The following MACC1 variants were observed in gnomAD, a reference collection of about 807,000 sequenced individuals.
MACC1 encodes MET transcriptional regulator MACC1, also known as metastasis-associated in colon cancer protein 1.
In MACC1, 79 loss-of-function variants were observed where a neutral mutation model predicts 70.7. The ratio of observed to expected loss-of-function variants is 1.12; its 90% CI spans 0.93 to 1.35. The LOEUF (loss-of-function observed/expected upper bound fraction) is 1.35, where lower values mean the gene tolerates loss of function less well. Among genes scored for constraint, MACC1 ranks in the 40% most tolerant of loss-of-function variants. The pLI, the probability that MACC1 is intolerant of heterozygous loss-of-function variation, is 0.00. For synonymous variants in MACC1, 361 were observed against 347.2 expected, an observed-to-expected ratio of 1.04 and a Z score of -0.44; for missense variants, 1,106 against 978.1, an observed-to-expected ratio of 1.13 and a Z score of -1.74.
chr7:20,199,404 G>T (rs140145906), intron 1 of MACC1, among the ~76,000 whole-genome samples: 24 of 152,324 alleles, frequency 1.6e-4, no homozygotes, highest in African/African-American at 5.8e-4. Context: ...CATGGAGAAG[G>T]GACCTGGTGT....
At chr7:20,201,816 G>A (rs972007977) in intron 1 of MACC1, among the ~76,000 whole-genome samples, 1 of 152,162 alleles carries the variant, frequency 6.6e-6, no homozygotes, top group East Asian at 1.9e-4. Flanking sequence ...GACCACCTTA[G>A]ATTCCATTTT....
chr7:20,135,505 G>A lies in MACC1; in HGVS notation c.*5441C>T, dbSNP rs1365986374. On this transcript the variant is annotated 3_prime_UTR_variant, in exon 7 of 7. Transcript: ENST00000400331. ...TAGAGATGAAGGAAATTTTAATACAGTGGTTCTCAAACTGGGGTCCCTGGA... is the reference window on the plus strand; with the variant it reads ...TAGAGATGAAGGAAATTTTAATACAATGGTTCTCAAACTGGGGTCCCTGGA... 1.3e-5 allele frequency: 2 copies of A among 152,154 alleles called. No individual in the cohort carries two copies. The highest frequency in any genetic ancestry group is 4.8e-5 in the African/African-American group (2 of 41,420). The allele number at this position is 152,154 out of a possible 1,614,324, so 9.4% of individuals were successfully genotyped here.
At chr7:20,151,054 GAA>G (rs58699284) in intron 6 of MACC1, among the ~76,000 whole-genome samples, 4 of 99,440 alleles carry the variant, frequency 4.0e-5, no homozygotes, top group Non-Finnish European at 2.1e-5. Context: ...TCTCAAAGGA[GAA>G]AAAAAAAAAA....
intron 1 of MACC1, among the ~76,000 whole-genome samples, chr7:20,212,415 G>C (rs989525635): frequency 6.6e-6 from 1 of 152,170 alleles, no homozygotes; most frequent in Admixed American, 6.5e-5. Flanking sequence ...CTCTGGGCAA[G>C]GTGGTGGCCA....
intron 6 of MACC1, chr7:20,142,131 G>A (rs537561652): frequency 2.6e-5 from 4 of 152,102 alleles, no homozygotes; most frequent in Admixed American, 1.3e-4. Flanking sequence ...CATAGACTCC[G>A]AGCTAAATAT....
At chr7:20,142,071 G>T (rs1407695073) in intron 6 of MACC1, 2 of 152,096 alleles carry the variant, frequency 1.3e-5, no homozygotes, top group African/African-American at 4.8e-5. Flanking sequence ...ATTTTGGGGG[G>T]TTCACTGAAC....
intron 1 of MACC1, among the ~76,000 whole-genome samples, chr7:20,171,169 A>ATGAT (rs1782299455): frequency 6.6e-6 from 1 of 152,182 alleles, no homozygotes; most frequent in African/African-American, 2.4e-5. Flanking sequence ...AGACATATAT[A>ATGAT]TGATTCAGCT....
At chr7:20,170,504 TA>T (rs1339190623) in intron 2 of MACC1, 26 of 152,246 alleles carry the variant, frequency 1.7e-4, no homozygotes, top group African/African-American at 5.8e-4. Flanking sequence ...CTTAACAGAT[TA>T]TTCAACTTGA....
chr7:20,155,277 G>T (rs1241574382), intron 5 of MACC1, among the ~76,000 whole-genome samples: 1 of 152,204 alleles, frequency 6.6e-6, no homozygotes, highest in African/African-American at 2.4e-5. Flanking sequence ...TTTCAAGGCT[G>T]TCCAGTGGAT....
intron 6 of MACC1, chr7:20,142,092 G>A (rs1355463830): frequency 2.0e-5 from 3 of 152,162 alleles, no homozygotes; most frequent in African/African-American, 4.8e-5. Context: ...TAATTTGGTT[G>A]TGATTCTATC....
chr7:20,191,139 G>C (rs1217682972), intron 1 of MACC1, among the ~76,000 whole-genome samples: 2 of 152,170 alleles, frequency 1.3e-5, no homozygotes, highest in African/African-American at 4.8e-5. Flanking sequence ...ATCCACATGA[G>C]GCATTTCAAG....
At chr7:20,172,498 C>T (rs1043848598) in intron 1 of MACC1, among the ~76,000 whole-genome samples, 4 of 151,986 alleles carry the variant, frequency 2.6e-5, no homozygotes, top group Non-Finnish European at 5.9e-5. Flanking sequence ...TATATATACA[C>T]ACATATATAC....
chr7:20,213,389 C>T (rs1486297017), intron 1 of MACC1, among the ~76,000 whole-genome samples: 1 of 152,172 alleles, frequency 6.6e-6, no homozygotes, highest in Non-Finnish European at 1.5e-5. Flanking sequence ...GACCTAAAGA[C>T]ACAAATACCA....
At chr7:20,177,913 A>G (rs573362652) in intron 1 of MACC1, among the ~76,000 whole-genome samples, 30 of 152,174 alleles carry the variant, frequency 2.0e-4, no homozygotes, top group Admixed American at 4.6e-4. Flanking sequence ...TTCACCTTTA[A>G]ATAGTTGAGT....
At chr7:20,156,173 T>G (rs1431038472) in intron 5 of MACC1, among the ~76,000 whole-genome samples, 1 of 152,132 alleles carries the variant, frequency 6.6e-6, no homozygotes, top group East Asian at 1.9e-4. Flanking sequence ...CCACACCAAA[T>G]CAATATACAA....
At chr7:20,155,911 G>A (rs1487180014) in intron 5 of MACC1, among the ~76,000 whole-genome samples, 1 of 152,156 alleles carries the variant, frequency 6.6e-6, no homozygotes, top group Non-Finnish European at 1.5e-5. Flanking sequence ...CATAAAACCT[G>A]AGTTTAAAAT....
intron 6 of MACC1, among the ~76,000 whole-genome samples, chr7:20,147,729 ACAACCAG>A (rs1781914348): frequency 6.6e-6 from 1 of 152,188 alleles, no homozygotes; most frequent in African/African-American, 2.4e-5. Flanking sequence ...CTATTTGAGG[ACAACCAG>A]CTAAATTTGG....
intron 6 of MACC1, among the ~76,000 whole-genome samples, chr7:20,152,319 C>G (rs1781992061): frequency 6.6e-6 from 1 of 152,088 alleles, no homozygotes; most frequent in African/African-American, 2.4e-5. Context: ...CCCTCTGCAC[C>G]CCCTACCCAG....
At position 20,148,620 on chromosome 7, in the gene MACC1, G is replaced by C. The variant is rs146128343; in HGVS notation, c.2346+5573C>G. ...GTGTATAATATAGAATTAAGTCAAA[G>C]ATCATAGGAATACAATGTGTTACCC... On this transcript the variant is annotated intron_variant, in intron 6 of 6. Coordinates refer to ENST00000400331, the MANE Select transcript of MACC1 (RefSeq NM_182762.4). Among the ~76,000 whole-genome samples the C allele has an allele frequency of 6.3e-4, 96 of 152,206 alleles. 2 individuals carry two copies. The highest frequency in any genetic ancestry group is 2.1e-3 in the African/African-American group (87 of 41,540).
Sources: allele counts gnomAD v4.1 joint callset (sites outside exome capture counted in the v4.1 genomes callset), GRCh38; gene constraint gnomAD v4.1.1; transcripts MANE v1.5; gene names NCBI Gene and HGNC (gene_info 2026-07-23, HGNC 2026-07-21).